The following LIPA variants were observed in gnomAD, a reference collection of about 807,000 sequenced individuals.
LIPA encodes lysosomal acid lipase/cholesteryl ester hydrolase.
LIPA carries 26 observed loss-of-function variants against 40.6 expected under a neutral mutation model. That is an observed-to-expected ratio of 0.64 (90% CI 0.47 to 0.89). The LOEUF (loss-of-function observed/expected upper bound fraction) is 0.89, where lower values mean the gene tolerates loss of function less well. Ranked by LOEUF, LIPA falls within the 40% of genes least tolerant of loss-of-function variation. LIPA has a pLI of 0.00. For missense variants in LIPA, 455 were observed against 479.6 expected (o/e 0.95, Z 0.48); for synonymous variants, 188 against 168.4 (o/e 1.12, Z -0.90).
chr10:89,218,562 C>G (rs1842657259), intron 8 of LIPA, among the ~76,000 whole-genome samples: 1 of 152,226 alleles, frequency 6.6e-6, no homozygotes, highest in Non-Finnish European at 1.5e-5. Flanking sequence ...TGCGAGCAGC[C>G]AGGCTATGGC....
intron 2 of LIPA, among the ~76,000 whole-genome samples, chr10:89,364,851 A>G (rs1398072955): frequency 6.6e-6 from 1 of 152,116 alleles, no homozygotes; most frequent in Non-Finnish European, 1.5e-5. Flanking sequence ...AAGATAACAA[A>G]TTTGTGAGTA....
At chr10:89,399,334 C>G (rs1168089338) in intron 2 of LIPA, among the ~76,000 whole-genome samples, 3 of 152,138 alleles carry the variant, frequency 2.0e-5, no homozygotes, top group African/African-American at 7.2e-5. Flanking sequence ...TCTTATCACT[C>G]TGTTGATAGT....
intron 2 of LIPA, among the ~76,000 whole-genome samples, chr10:89,398,429 G>C (rs905589565): frequency 6.6e-6 from 1 of 152,142 alleles, no homozygotes; most frequent in Non-Finnish European, 1.5e-5. Context: ...CCAGCTTCTC[G>C]GGGATGTTCT....
At chr10:89,225,960 G>C (rs993274996) in intron 5 of LIPA, among the ~76,000 whole-genome samples, 4 of 152,102 alleles carry the variant, frequency 2.6e-5, no homozygotes, top group Non-Finnish European at 2.9e-5. Context: ...GGCCTCCCTA[G>C]CTCACAATCC....
intron 2 of LIPA, chr10:89,383,685 T>C: frequency 1.2e-6 from 2 of 1,614,218 alleles, no homozygotes; most frequent in Non-Finnish European, 1.7e-6. Flanking sequence ...TGGAGAACAC[T>C]TGCAAGAAGT....
intron 1 of LIPA, among the ~76,000 whole-genome samples, chr10:89,303,067 G>C (rs1843455935): frequency 6.7e-6 from 1 of 149,916 alleles, no homozygotes; most frequent in Non-Finnish European, 1.5e-5. Context: ...TAGTCACCCA[G>C]AATCTATAGA....
At chr10:89,240,290 T>G (rs957354053) in intron 3 of LIPA, among the ~76,000 whole-genome samples, 1 of 152,176 alleles carries the variant, frequency 6.6e-6, no homozygotes, top group Non-Finnish European at 1.5e-5. Context: ...AAATCCATGT[T>G]GACATTTCAA....
chr10:89,224,126 G>A (rs1842737001), intron 6 of LIPA, among the ~76,000 whole-genome samples: 1 of 152,182 alleles, frequency 6.6e-6, no homozygotes. Context: ...ACCCCTCCCA[G>A]GGCCATCCCC....
At chr10:89,344,514 A>G (rs1843900376), upstream of LIPA, among the ~76,000 whole-genome samples, 1 of 152,150 alleles carries the variant, frequency 6.6e-6, no homozygotes, top group South Asian at 2.1e-4. Context: ...CTTTGGCCCT[A>G]AGTAAAGCAG....
At chr10:89,332,925 G>A (rs1159652908) in intron 1 of LIPA, among the ~76,000 whole-genome samples, 1 of 152,188 alleles carries the variant, frequency 6.6e-6, no homozygotes, top group Non-Finnish European at 1.5e-5. Flanking sequence ...GAAAGCTGGG[G>A]CCTGGAGGGA....
At chr10:89,360,630 G>A (rs953659146) in intron 2 of LIPA, among the ~76,000 whole-genome samples, 9 of 152,180 alleles carry the variant, frequency 5.9e-5, no homozygotes, top group Admixed American at 5.9e-4. Flanking sequence ...CCAACCTCAG[G>A]TGATCCACCC....
intron 1 of LIPA, among the ~76,000 whole-genome samples, chr10:89,260,372 C>G (rs905469848): frequency 1.3e-5 from 2 of 152,222 alleles, no homozygotes; most frequent in Admixed American, 6.5e-5. Context: ...ATACCTGGCT[C>G]CTGCCCTCAG....
intron 1 of LIPA, among the ~76,000 whole-genome samples, chr10:89,296,721 A>G (rs1843417440): frequency 6.6e-6 from 1 of 151,820 alleles, no homozygotes; most frequent in Admixed American, 6.6e-5. Context: ...TACCTTAACA[A>G]CCTCAGTTTT....
chr10:89,244,884 C>T (rs1843005127), intron 3 of LIPA, among the ~76,000 whole-genome samples: 1 of 152,142 alleles, frequency 6.6e-6, no homozygotes, highest in African/African-American at 2.4e-5. Flanking sequence ...ATCACAAATG[C>T]ATATATCCTG....
chr10:89,289,744 A>C (rs1205462486), intron 1 of LIPA, among the ~76,000 whole-genome samples: 1 of 152,102 alleles, frequency 6.6e-6, no homozygotes, highest in Non-Finnish European at 1.5e-5. Flanking sequence ...CGGATAGAAG[A>C]TCTTTGGTGA....
At chr10:89,281,411 T>C (rs1178152447) in intron 1 of LIPA, among the ~76,000 whole-genome samples, 11 of 152,220 alleles carry the variant, frequency 7.2e-5, no homozygotes, top group Non-Finnish European at 1.6e-4. Flanking sequence ...GTTTAGTCTT[T>C]CTCCCATATT....
At chr10:89,398,439 T>G (rs1295904757) in intron 2 of LIPA, among the ~76,000 whole-genome samples, 2 of 152,244 alleles carry the variant, frequency 1.3e-5, no homozygotes, top group Non-Finnish European at 2.9e-5. Context: ...GGGGATGTTC[T>G]CTGGCCACTA....
intron 1 of LIPA, among the ~76,000 whole-genome samples, chr10:89,268,055 A>G (rs1843246854): frequency 6.6e-6 from 1 of 152,154 alleles, no homozygotes; most frequent in Non-Finnish European, 1.5e-5. Context: ...ATTATCTTCA[A>G]CCCTCCTGTT....
chr10:89,402,311 T>C (rs766858724), intron 2 of LIPA: 3 of 1,613,494 alleles, frequency 1.9e-6, no homozygotes, highest in South Asian at 1.1e-5. Flanking sequence ...AGGTCAAGGA[T>C]AGTCTGGAGC....
Sources: allele counts gnomAD v4.1 joint callset (sites outside exome capture counted in the v4.1 genomes callset), GRCh38; gene constraint gnomAD v4.1.1; transcripts MANE v1.5; gene names NCBI Gene and HGNC (gene_info 2026-07-23, HGNC 2026-07-21).